Variants in TMEM117 observed in about 807,000 individuals in gnomAD.
The protein encoded by TMEM117 is transmembrane protein 117.
Under a neutral mutation model 52.4 loss-of-function variants are expected in TMEM117, and 27 were observed. That is an observed-to-expected ratio of 0.51 (90% CI 0.38 to 0.71). The LOEUF (loss-of-function observed/expected upper bound fraction) is 0.71. Ranked by LOEUF, TMEM117 falls within the 30% of genes least tolerant of loss-of-function variation. TMEM117 has a pLI of 0.00. For missense variants in TMEM117, 556 were observed against 630.5 expected (o/e 0.88, Z 1.26); for synonymous variants, 215 against 206.3 (o/e 1.04, Z -0.36).
chr12:43,844,054 G>C (rs1174175035), intron 1 of TMEM117, among the ~76,000 whole-genome samples: 1 of 152,214 alleles, frequency 6.6e-6, no homozygotes, highest in Non-Finnish European at 1.5e-5. Flanking sequence ...AAAAAGAGGA[G>C]GCCGAGTATG....
At chr12:44,121,750 T>C (rs1165436446) in intron 3 of TMEM117, among the ~76,000 whole-genome samples, 1 of 152,180 alleles carries the variant, frequency 6.6e-6, no homozygotes, top group Non-Finnish European at 1.5e-5. Flanking sequence ...GCAGGTTTGT[T>C]GTATGGGTAA....
chr12:44,069,469 T>C (rs945712454), intron 3 of TMEM117, among the ~76,000 whole-genome samples: 75 of 152,022 alleles, frequency 4.9e-4, no homozygotes, highest in African/African-American at 1.8e-3. Flanking sequence ...ATGAAAAGAC[T>C]CAAGGCAGGA....
At chr12:44,331,278 C>G (rs747278649) in intron 6 of TMEM117, among the ~76,000 whole-genome samples, 2 of 151,754 alleles carry the variant, frequency 1.3e-5, no homozygotes, top group Non-Finnish European at 2.9e-5. Context: ...ATCTAAATGA[C>G]TCTTTAAGTT....
At chr12:43,796,929 AAAG>A in the TMEM117 span, 1 of 1,578,228 alleles carries the variant, frequency 6.3e-7, no homozygotes. Flanking sequence ...ATAGAAATGA[AAAG>A]AAAAATTTAG....
At chr12:44,081,074 A>G (rs962561753) in intron 3 of TMEM117, among the ~76,000 whole-genome samples, 2 of 152,216 alleles carry the variant, frequency 1.3e-5, no homozygotes, top group Non-Finnish European at 2.9e-5. Context: ...ATTATAACAG[A>G]TTTAATTAAA....
chr12:44,370,044 C>T (rs1370706517), intron 6 of TMEM117, among the ~76,000 whole-genome samples: 1 of 152,184 alleles, frequency 6.6e-6, no homozygotes, highest in East Asian at 1.9e-4. Flanking sequence ...TAATGCTCCT[C>T]CTGCTGTCAT....
chr12:44,340,164 G>A (rs1327848822), intron 6 of TMEM117, among the ~76,000 whole-genome samples: 1 of 152,072 alleles, frequency 6.6e-6, no homozygotes. Context: ...TGAGACACTG[G>A]CTAGGCGTCT....
chr12:43,888,153 G>A (rs1421713637), intron 2 of TMEM117, among the ~76,000 whole-genome samples: 1 of 152,024 alleles, frequency 6.6e-6, no homozygotes, highest in Non-Finnish European at 1.5e-5. Flanking sequence ...TACTTTCTCC[G>A]AACATCACCA....
intron 5 of TMEM117, among the ~76,000 whole-genome samples, chr12:44,255,561 G>A (rs1950250525): frequency 6.6e-6 from 1 of 152,128 alleles, no homozygotes; most frequent in African/African-American, 2.4e-5. Flanking sequence ...GTGTAAGATA[G>A]CATGTTTGAA....
At chr12:44,212,456 T>A (rs1356357096) in intron 5 of TMEM117, among the ~76,000 whole-genome samples, 1 of 152,154 alleles carries the variant, frequency 6.6e-6, no homozygotes, top group African/African-American at 2.4e-5. Flanking sequence ...AGAAGTGATA[T>A]GGCTTCCTTT....
intron 2 of TMEM117, among the ~76,000 whole-genome samples, chr12:43,936,731 A>G (rs1436189840): frequency 6.6e-6 from 1 of 152,184 alleles, no homozygotes; most frequent in Non-Finnish European, 1.5e-5. Flanking sequence ...TGCAGCCAGG[A>G]TGTCTTGCCA....
chr12:44,275,324 G>A (rs765096514), intron 5 of TMEM117, among the ~76,000 whole-genome samples: 1 of 151,992 alleles, frequency 6.6e-6, no homozygotes, highest in Non-Finnish European at 1.5e-5. Context: ...TGGATCAAAG[G>A]GAACCCTCAT....
chr12:44,356,482 A>G (rs1951650653), intron 6 of TMEM117, among the ~76,000 whole-genome samples: 1 of 151,952 alleles, frequency 6.6e-6, no homozygotes, highest in Non-Finnish European at 1.5e-5. Flanking sequence ...TGTTCTGCTT[A>G]TTTTGTCTGG....
chr12:44,212,697 A>G (rs1476400415), intron 5 of TMEM117, among the ~76,000 whole-genome samples: 1 of 152,162 alleles, frequency 6.6e-6, no homozygotes, highest in South Asian at 2.1e-4. Flanking sequence ...GGACTACTGT[A>G]ATTGATTATA....
chr12:44,310,814 G>A (rs1040701766), intron 6 of TMEM117, among the ~76,000 whole-genome samples: 1 of 152,094 alleles, frequency 6.6e-6, no homozygotes, highest in Non-Finnish European at 1.5e-5. Context: ...AAGCACCTGG[G>A]TTCTGCTTAA....
chr12:43,978,366 ATAGAG>A (rs1945706535), intron 3 of TMEM117, among the ~76,000 whole-genome samples: 1 of 152,196 alleles, frequency 6.6e-6, no homozygotes, highest in East Asian at 1.9e-4. Context: ...TCTGCAATAA[ATAGAG>A]TAAGCAGAGT....
chr12:44,331,038 G>C (rs1951263146), intron 6 of TMEM117, among the ~76,000 whole-genome samples: 1 of 151,906 alleles, frequency 6.6e-6, no homozygotes, highest in African/African-American at 2.4e-5. Context: ...TGATTTCCCA[G>C]GAATCAATAT....
chr12:43,928,610 A>G (rs555855821), intron 2 of TMEM117, among the ~76,000 whole-genome samples: 13 of 152,010 alleles, frequency 8.6e-5, no homozygotes, highest in Middle Eastern at 3.4e-3. Flanking sequence ...TTTTATTATT[A>G]TACTTTAAGT....
chr12:44,119,548 C>T lies in TMEM117; in HGVS notation c.411-23977C>T, dbSNP rs142349802. On this transcript the variant is annotated intron_variant, in intron 3 of 7. Transcript: ENST00000266534. Reference sequence around the variant, plus strand: ...TTGTGTCATTTAAGTGCTTAGGATTCTTACAGTGCTCATGATTCTTATTGC... The same window carrying T: ...TTGTGTCATTTAAGTGCTTAGGATTTTTACAGTGCTCATGATTCTTATTGC... 3.9e-3 allele frequency among the ~76,000 whole-genome samples: 590 copies of T among 152,266 alleles called. 4 individuals are homozygous for T. The highest frequency in any genetic ancestry group is 6.8e-3 in the Middle Eastern group (2 of 294).
Sources: gnomAD v4.1 joint callset for allele counts (sites outside exome capture counted in the v4.1 genomes callset) on GRCh38, gnomAD v4.1.1 for gene constraint, MANE v1.5 for transcripts, NCBI Gene and HGNC (gene_info 2026-07-23, HGNC 2026-07-21) for gene names.